LRMDA: variants seen among roughly 807,000 people sequenced by gnomAD.
LRMDA encodes leucine-rich melanocyte differentiation-associated protein.
LRMDA carries 18 observed loss-of-function variants against 29.8 expected under a neutral mutation model. The observed-to-expected ratio is 0.60, with a 90% CI of 0.42 to 0.90. The LOEUF is 0.90. Among genes scored for constraint, LRMDA ranks in the 40% least tolerant of loss-of-function variants. LRMDA has a pLI of 0.00. For synonymous variants in LRMDA, 125 were observed against 109.4 expected, an observed-to-expected ratio of 1.14 and a Z score of -0.89; for missense variants, 273 against 273.9, an observed-to-expected ratio of 1.00 and a Z score of 0.02.
intron 5 of LRMDA, among the ~76,000 whole-genome samples, chr10:76,085,464 A>G (rs1849118474): frequency 6.6e-6 from 1 of 152,120 alleles, no homozygotes; most frequent in South Asian, 2.1e-4. Flanking sequence ...GGGAGGAGAA[A>G]GCCTCTTTCA....
intron 6 of LRMDA, among the ~76,000 whole-genome samples, chr10:76,447,426 T>G (rs1842364571): frequency 1.3e-5 from 2 of 152,202 alleles, no homozygotes; most frequent in African/African-American, 4.8e-5. Context: ...CTTATTGGTT[T>G]TGAATTTTAG....
At chr10:76,208,727 A>G (rs954903600) in intron 5 of LRMDA, among the ~76,000 whole-genome samples, 1 of 152,052 alleles carries the variant, frequency 6.6e-6, no homozygotes, top group African/African-American at 2.4e-5. Flanking sequence ...CCAACCCAGC[A>G]AGCATGTCCT....
chr10:76,161,038 G>A (rs1850637854), intron 5 of LRMDA, among the ~76,000 whole-genome samples: 1 of 152,004 alleles, frequency 6.6e-6, no homozygotes, highest in Admixed American at 6.6e-5. Context: ...AAACGGTTGC[G>A]ATAAGAGAAA....
intron 6 of LRMDA, among the ~76,000 whole-genome samples, chr10:76,402,859 A>AT (rs986527211): frequency 2.6e-5 from 4 of 151,888 alleles, no homozygotes; most frequent in South Asian, 2.1e-4. Context: ...TAAAATAGAG[A>AT]TTTTTTCAGA....
At chr10:76,537,245 C>G (rs796564421) in intron 6 of LRMDA, among the ~76,000 whole-genome samples, 4 of 152,272 alleles carry the variant, frequency 2.6e-5, no homozygotes, top group African/African-American at 9.6e-5. Context: ...TTCCAGTAGC[C>G]CTTGTTATTT....
intron 2 of LRMDA, among the ~76,000 whole-genome samples, chr10:75,838,179 T>C (rs1844475366): frequency 6.6e-6 from 1 of 152,204 alleles, no homozygotes; most frequent in Non-Finnish European, 1.5e-5. Flanking sequence ...TGATTAAAAC[T>C]GGTGATATAT....
chr10:76,205,128 A>G (rs1158336588), intron 5 of LRMDA, among the ~76,000 whole-genome samples: 1 of 152,138 alleles, frequency 6.6e-6, no homozygotes, highest in Non-Finnish European at 1.5e-5. Flanking sequence ...GAGCGCACTT[A>G]AAAAAGAGAG....
At chr10:75,940,238 G>T (rs1289888122) in intron 2 of LRMDA, among the ~76,000 whole-genome samples, 1 of 152,088 alleles carries the variant, frequency 6.6e-6, no homozygotes, top group Non-Finnish European at 1.5e-5. Flanking sequence ...AATACAGAAG[G>T]CATTATTGGG....
At chr10:76,276,073 T>C (rs897226932) in intron 5 of LRMDA, among the ~76,000 whole-genome samples, 1 of 150,422 alleles carries the variant, frequency 6.6e-6, no homozygotes, top group Non-Finnish European at 1.5e-5. Flanking sequence ...CTCTCTTTCT[T>C]TCTCTCTCTT....
At chr10:75,903,250 A>G (rs1845705248) in intron 2 of LRMDA, among the ~76,000 whole-genome samples, 1 of 152,218 alleles carries the variant, frequency 6.6e-6, no homozygotes, top group Non-Finnish European at 1.5e-5. Context: ...TTGCTCTTAG[A>G]AAACTAATCA....
chr10:76,096,742 T>C (rs1269212598), intron 5 of LRMDA, among the ~76,000 whole-genome samples: 1 of 152,140 alleles, frequency 6.6e-6, no homozygotes, highest in Admixed American at 6.5e-5. Flanking sequence ...ATGGTATCTC[T>C]CTCTATTAAT....
At chr10:76,070,270 A>G (rs916765987) in intron 5 of LRMDA, among the ~76,000 whole-genome samples, 1 of 152,226 alleles carries the variant, frequency 6.6e-6, no homozygotes, top group African/African-American at 2.4e-5. Flanking sequence ...GCTGGGGGGC[A>G]GGTACCTAAG....
At chr10:75,586,365 TTTTTA>T (rs1350725092) in intron 2 of LRMDA, among the ~76,000 whole-genome samples, 12 of 139,622 alleles carry the variant, frequency 8.6e-5, no homozygotes, top group African/African-American at 1.6e-4. Context: ...TTTTTTTTTT[TTTTTA>T]AATTAGAGAC....
At position 75,532,042 on chromosome 10, in the gene LRMDA, T is replaced by G. The variant is rs1057504053; in HGVS notation, c.131+93548T>G. Among the ~76,000 whole-genome samples the G allele has an allele frequency of 1.3e-4, 12 of 89,838 alleles. No individual in the cohort carries two copies. In the East Asian group the frequency reaches 4.4e-3, roughly 33 times the overall value. 58.9% of individuals were successfully genotyped at this position (89,838 alleles called of 152,430 possible). On this transcript the variant is annotated intron_variant, in intron 2 of 6. Coordinates refer to ENST00000611255, the MANE Select transcript of LRMDA (RefSeq NM_001305581.2). ...CTGGCAGATAAGGGAAGACTCTACC[T>G]CAAAAGAAAGAAAGAAAAAAAAAAA...
At chr10:75,849,742 A>T (rs1217744301) in intron 2 of LRMDA, among the ~76,000 whole-genome samples, 1 of 152,238 alleles carries the variant, frequency 6.6e-6, no homozygotes, top group African/African-American at 2.4e-5. Context: ...CATCCTGTAC[A>T]TGTACCCCAA....
chr10:76,545,124 G>A (rs2132388882), intron 6 of LRMDA, among the ~76,000 whole-genome samples: 1 of 150,844 alleles, frequency 6.6e-6, no homozygotes, highest in African/African-American at 2.4e-5. Context: ...AAACCCAGTT[G>A]TTACAGGGTC....
intron 2 of LRMDA, among the ~76,000 whole-genome samples, chr10:75,876,445 C>T (rs985125185): frequency 6.6e-6 from 1 of 151,968 alleles, no homozygotes; most frequent in East Asian, 1.9e-4. Flanking sequence ...GAGGCCCTCG[C>T]GGGAGCTATC....
intron 2 of LRMDA, among the ~76,000 whole-genome samples, chr10:75,534,151 A>T (rs1839914562): frequency 6.6e-6 from 1 of 152,192 alleles, no homozygotes. Flanking sequence ...TTTTACAGGG[A>T]ATATAATATA....
chr10:75,987,144 T>G lies in LRMDA; in HGVS notation c.132-48864T>G, dbSNP rs11001567. On this transcript the variant is annotated intron_variant, in intron 2 of 6. Transcript: ENST00000611255. ...CTATGTCTGAACTACATTTTTAAAT[T>G]ATTTTGTTTTCACTGTACATATTTC... is the stretch of plus-strand genomic sequence containing the variant. Among the ~76,000 whole-genome samples, 42 of 152,330 alleles carry G rather than the reference T, an allele frequency of 2.8e-4. No homozygotes were observed. In the East Asian group the frequency reaches 7.1e-3, roughly 26 times the overall value.
Sources: allele counts gnomAD v4.1 joint callset (sites outside exome capture counted in the v4.1 genomes callset), GRCh38; gene constraint gnomAD v4.1.1; transcripts MANE v1.5; gene names NCBI Gene and HGNC (gene_info 2026-07-23, HGNC 2026-07-21).